The following CDH12 variants were observed in gnomAD, a reference collection of about 807,000 sequenced individuals.
CDH12 encodes the protein cadherin-12.
CDH12 carries 41 observed loss-of-function variants against 74.1 expected under a neutral mutation model. The ratio of observed to expected loss-of-function variants is 0.55; its 90% CI spans 0.43 to 0.72. The LOEUF (loss-of-function observed/expected upper bound fraction) is 0.72, where lower values mean the gene tolerates loss of function less well. Among genes scored for constraint, CDH12 ranks in the 30% least tolerant of loss-of-function variants. The probability of loss-of-function intolerance (pLI) is 0.00; values close to 1 mark genes in which losing one functional copy is unlikely to be tolerated. For missense variants in CDH12, 945 were observed against 977.2 expected (o/e 0.97, Z 0.44); for synonymous variants, 399 against 355.0 (o/e 1.12, Z -1.39).
At chr5:22,028,000 T>C (rs1738503572) in intron 5 of CDH12, among the ~76,000 whole-genome samples, 1 of 152,178 alleles carries the variant, frequency 6.6e-6, no homozygotes, top group Admixed American at 6.6e-5. Flanking sequence ...GTCCCAGAGA[T>C]TCTGGTATGT....
chr5:21,978,001 C>T (rs1757141861), intron 5 of CDH12, among the ~76,000 whole-genome samples: 1 of 152,016 alleles, frequency 6.6e-6, no homozygotes, highest in Non-Finnish European at 1.5e-5. Context: ...AGACATTTTT[C>T]CAATATTAAT....
At chr5:22,719,980 G>A (rs1229577151) in intron 1 of CDH12, among the ~76,000 whole-genome samples, 2 of 151,956 alleles carry the variant, frequency 1.3e-5, no homozygotes, top group Non-Finnish European at 2.9e-5. Context: ...CATGCAATAT[G>A]TGTTTGTCTT....
chr5:22,308,809 AACAC>A lies in CDH12; in HGVS notation c.-332-96170_-332-96167del, dbSNP rs774664506. On this transcript the variant is annotated intron_variant, in intron 3 of 14. Coordinates refer to ENST00000382254, the MANE Select transcript of CDH12 (RefSeq NM_004061.5). ...CAATGCCCACAAGGGCAAATACACA[AACAC>A]ACACACACACACACACACACACACA... Among the ~76,000 whole-genome samples, 213 of 85,374 alleles carry A rather than the reference AACAC, an allele frequency of 2.5e-3. 2 individuals carry two copies. The highest frequency in any genetic ancestry group is 6.9e-3 in the African/African-American group (181 of 26,198). The allele number at this position is 85,374 out of a possible 152,430, so 56.0% of individuals were successfully genotyped here. A position where few individuals can be genotyped will look rare whatever the true frequency, so the allele number is the denominator to read the frequency against.
At chr5:22,003,721 C>T (rs1378415548) in intron 5 of CDH12, among the ~76,000 whole-genome samples, 1 of 143,088 alleles carries the variant, frequency 7.0e-6, no homozygotes, top group East Asian at 2.1e-4. Flanking sequence ...CTGTGAGCTT[C>T]TAAAGGGAAT....
At chr5:21,812,822 A>G (rs995592162) in intron 9 of CDH12, among the ~76,000 whole-genome samples, 1 of 152,162 alleles carries the variant, frequency 6.6e-6, no homozygotes, top group African/African-American at 2.4e-5. Context: ...GGTGCAGGCT[A>G]CAATGTTCTT....
intron 2 of CDH12, among the ~76,000 whole-genome samples, chr5:22,463,245 C>T (rs1243769685): frequency 1.4e-5 from 2 of 142,854 alleles, no homozygotes; most frequent in Admixed American, 7.8e-5. Context: ...GTGTAAAATG[C>T]CACAATGCTT....
intron 2 of CDH12, among the ~76,000 whole-genome samples, chr5:22,496,933 T>G (rs1442904312): frequency 6.6e-6 from 1 of 152,188 alleles, no homozygotes; most frequent in Non-Finnish European, 1.5e-5. Flanking sequence ...CTGGGTCAAG[T>G]TGAGTAAAAT....
intron 4 of CDH12, among the ~76,000 whole-genome samples, chr5:22,188,641 G>A (rs1310459302): frequency 2.0e-5 from 3 of 152,240 alleles, no homozygotes; most frequent in African/African-American, 4.8e-5. Flanking sequence ...CTCACATAAC[G>A]TCCACAAATG....
In CDH12 at chr5:21,916,661, GGGCCTGGAGT is replaced by G. The variant is rs201377017; in HGVS notation, c.526+58420_526+58429del. 1.3e-3 allele frequency among the ~76,000 whole-genome samples: 196 copies of G among 152,186 alleles called. 5 individuals are homozygous for G. In the East Asian group the frequency reaches 0.034, roughly 26 times the overall value. On this transcript the variant is annotated intron_variant, in intron 6 of 14. Coordinates refer to ENST00000382254, the MANE Select transcript of CDH12 (RefSeq NM_004061.5). The stretch of plus-strand genomic sequence containing the variant: ...ATCTGCTTCCAGTCCCTCCAAACTT[GGGCCTGGAGT>G]GGCCTGGAGTGGCTGGTGGATTGAA...
intron 2 of CDH12, among the ~76,000 whole-genome samples, chr5:22,428,557 A>G (rs552723897): frequency 6.6e-6 from 1 of 152,264 alleles, no homozygotes; most frequent in African/African-American, 2.4e-5. Flanking sequence ...CAAGAAACTG[A>G]TGTGACTAGA....
chr5:22,356,899 C>T (rs1313693403), intron 3 of CDH12, among the ~76,000 whole-genome samples: 1 of 152,032 alleles, frequency 6.6e-6, no homozygotes, highest in African/African-American at 2.4e-5. Flanking sequence ...ATACTAGTAG[C>T]AACCAAAATA....
intron 1 of CDH12, among the ~76,000 whole-genome samples, chr5:22,637,382 C>G (rs1289389880): frequency 3.3e-5 from 5 of 152,212 alleles, no homozygotes; most frequent in Non-Finnish European, 7.3e-5. Flanking sequence ...ACTTCCCTTT[C>G]AGCAGCTACA....
At chr5:22,015,199 C>T (rs1272447982) in intron 5 of CDH12, among the ~76,000 whole-genome samples, 11 of 152,168 alleles carry the variant, frequency 7.2e-5, no homozygotes, top group East Asian at 3.9e-4. Flanking sequence ...AGTTCTACAT[C>T]GTTGGAAAAA....
In CDH12 at chr5:22,460,713, A is replaced by ATTTTT. The variant is rs3039460; in HGVS notation, c.-428+44552_-428+44556dup. Among the ~76,000 whole-genome samples the ATTTTT allele has an allele frequency of 5.9e-3, 502 of 85,608 alleles. 33 individuals are homozygous for ATTTTT. Among genetic ancestry groups the ATTTTT allele is most frequent in the African/African-American group, 0.012 (237 of 19,774 alleles). 56.2% of individuals were successfully genotyped at this position (85,608 alleles called of 152,430 possible). A position where few individuals can be genotyped will look rare whatever the true frequency, so the allele number is the denominator to read the frequency against. On this transcript the variant is annotated intron_variant, in intron 2 of 14. Coordinates refer to ENST00000382254, the MANE Select transcript of CDH12 (RefSeq NM_004061.5). The stretch of plus-strand genomic sequence containing the variant: ...AGAGAACAGTTGATGATATCTAGCA[A>ATTTTT]TTTTTTTTTTTTTTTTTTTTTTTTT...
intron 3 of CDH12, among the ~76,000 whole-genome samples, chr5:22,354,652 T>C (rs1323689032): frequency 2.6e-5 from 4 of 152,150 alleles, no homozygotes; most frequent in Non-Finnish European, 4.4e-5. Flanking sequence ...TATTTTTCCA[T>C]GTTCCATAGC....
chr5:22,007,831 T>C (rs1192297983), intron 5 of CDH12, among the ~76,000 whole-genome samples: 1 of 152,228 alleles, frequency 6.6e-6, no homozygotes, highest in East Asian at 1.9e-4. Flanking sequence ...TTTCAATGCC[T>C]GTTACACATA....
chr5:22,133,008 A>G (rs1286009080), intron 4 of CDH12, among the ~76,000 whole-genome samples: 3 of 152,172 alleles, frequency 2.0e-5, no homozygotes, highest in African/African-American at 7.2e-5. Flanking sequence ...GTCATTTTAG[A>G]AACTGATACA....
chr5:22,497,440 C>T (rs1019676297), intron 2 of CDH12, among the ~76,000 whole-genome samples: 3 of 151,990 alleles, frequency 2.0e-5, no homozygotes, highest in African/African-American at 7.2e-5. Context: ...TTTGCTCACC[C>T]GTTATTCTGC....
intron 1 of CDH12, among the ~76,000 whole-genome samples, chr5:22,525,397 A>C (rs918001430): frequency 2.6e-5 from 4 of 152,114 alleles, no homozygotes; most frequent in African/African-American, 9.7e-5. Context: ...AACCATCTAC[A>C]TCAGGAAGCA....
Sources: allele counts gnomAD v4.1 joint callset (sites outside exome capture counted in the v4.1 genomes callset), GRCh38; gene constraint gnomAD v4.1.1; transcripts MANE v1.5; gene names NCBI Gene and HGNC (gene_info 2026-07-23, HGNC 2026-07-21).